PRORP: variants seen among roughly 807,000 people sequenced by gnomAD.
PRORP encodes the protein mitochondrial ribonuclease P catalytic subunit.
A neutral mutation model predicts 59.4 loss-of-function variants in PRORP; 51 were observed. That is an observed-to-expected ratio of 0.86 (90% CI 0.69 to 1.08). The LOEUF is 1.08. Among genes scored for constraint, PRORP ranks in the 50% least tolerant of loss-of-function variants. PRORP has a pLI of 0.00. For synonymous variants in PRORP, 231 were observed against 245.6 expected (o/e 0.94, Z 0.55); for missense variants, 646 against 690.3 (o/e 0.94, Z 0.72).
intron 4 of PRORP, among the ~76,000 whole-genome samples, chr14:35,179,917 G>C (rs992575646): frequency 2.9e-4 from 44 of 152,262 alleles, no homozygotes; most frequent in Middle Eastern, 3.4e-3. Flanking sequence ...GTTTTGGTGT[G>C]GAAGTCCTTT....
intron 4 of PRORP, among the ~76,000 whole-genome samples, chr14:35,136,825 G>A (rs1305210002): frequency 1.4e-5 from 2 of 145,510 alleles, no homozygotes; most frequent in African/African-American, 4.9e-5. Context: ...AGTGAGAACA[G>A]TAGTGGGCTC....
chr14:35,170,938 C>G (rs544833995), intron 4 of PRORP, among the ~76,000 whole-genome samples: 32 of 152,148 alleles, frequency 2.1e-4, no homozygotes, highest in African/African-American at 7.2e-4. Context: ...CAACCTCTGC[C>G]TCCCCGGTTC....
At position 35,274,812 on chromosome 14, in the gene PRORP, A is replaced by G. The variant is rs950099043; in HGVS notation, c.*1246A>G. On this transcript the variant is annotated 3_prime_UTR_variant, in exon 8 of 8. Coordinates refer to ENST00000534898, the MANE Select transcript of PRORP (RefSeq NM_014672.4). ...CATTCAGTATATGTGGGCTTTCTAA[A>G]ATATGCCAATTTTTTTCCACTTAAT... is the stretch of plus-strand genomic sequence containing the variant. The G allele has an allele frequency of 3.3e-5, 5 of 152,218 alleles. No homozygotes were observed. In the South Asian group the frequency reaches 6.2e-4, roughly 19 times the overall value. 9.4% of individuals were successfully genotyped at this position (152,218 alleles called of 1,614,324 possible).
intron 5 of PRORP, among the ~76,000 whole-genome samples, chr14:35,205,358 A>G (rs1368035747): frequency 6.6e-6 from 1 of 151,884 alleles, no homozygotes; most frequent in East Asian, 1.9e-4. Flanking sequence ...ATTTTTTTGT[A>G]TTTTATTTTT....
At chr14:35,225,878 C>T (rs1334702565) in intron 5 of PRORP, among the ~76,000 whole-genome samples, 3 of 151,972 alleles carry the variant, frequency 2.0e-5, no homozygotes, top group African/African-American at 7.2e-5. Flanking sequence ...GAAACCCCAT[C>T]TTTAAAAAAT....
chr14:35,145,811 A>ATTTATTTAT (rs1427813612), intron 4 of PRORP, among the ~76,000 whole-genome samples: 1 of 122,178 alleles, frequency 8.2e-6, no homozygotes, highest in African/African-American at 2.6e-5. Flanking sequence ...TTGATTATTT[A>ATTTATTTAT]TTTATTTATT....
Position 35,270,545 on chromosome 14 carries a change from A to G in PRORP, c.1569A>G (p.Gly523=), listed in dbSNP as rs529341370. 2.2e-5 allele frequency: 35 copies of G among 1,614,184 alleles called. No homozygotes were observed. In the African/African-American group the frequency reaches 3.5e-4, roughly 16 times the overall value. The part of the protein sequence containing the change: ...TQRLFFKWQQ[G]HQLAIVNRFP... ...GCCTGTTTTTTAAGTGGCAGCAGGG[A>G]CATCAGCTGGCAATTGTAAATAGGT... Residue 523 remains glycine, a synonymous_variant, in exon 7 of 8, where the codon GGA becomes GGG. Transcript: ENST00000534898.
Position 35,170,517 on chromosome 14 carries a change from G to A in PRORP, c.1168-10153G>A, listed in dbSNP as rs180695510. On this transcript the variant is annotated intron_variant, in intron 4 of 7. Coordinates refer to ENST00000534898, the MANE Select transcript of PRORP (RefSeq NM_014672.4). Reference sequence around the variant, plus strand: ...AGTTTACTTACAGTTTATATTGAACGATTTCACATGAAATATAAGAACATT... The same window carrying A: ...AGTTTACTTACAGTTTATATTGAACAATTTCACATGAAATATAAGAACATT... 8.6e-4 allele frequency among the ~76,000 whole-genome samples: 131 copies of A among 152,014 alleles called. 1 individual carries two copies. Among genetic ancestry groups the A allele is most frequent in the African/African-American group, 2.9e-3 (121 of 41,490 alleles).
chr14:35,250,311 C>T (rs1217341245), intron 5 of PRORP, among the ~76,000 whole-genome samples: 1 of 152,100 alleles, frequency 6.6e-6, no homozygotes, highest in Non-Finnish European at 1.5e-5. Context: ...CTACCTACTC[C>T]CAGTTTGGAC....
At chr14:35,174,282 T>C (rs184016225) in intron 4 of PRORP, among the ~76,000 whole-genome samples, 25 of 152,244 alleles carry the variant, frequency 1.6e-4, no homozygotes, top group Non-Finnish European at 1.8e-4. Flanking sequence ...TACTTTGAAA[T>C]AGTTGGGTAT....
At chr14:35,259,732 A>G (rs903886645) in intron 5 of PRORP, among the ~76,000 whole-genome samples, 2 of 152,050 alleles carry the variant, frequency 1.3e-5, no homozygotes, top group African/African-American at 4.8e-5. Flanking sequence ...CTTTACTAAA[A>G]ATACAAAAAA....
chr14:35,237,765 T>C (rs2050257534), intron 5 of PRORP, among the ~76,000 whole-genome samples: 1 of 152,134 alleles, frequency 6.6e-6, no homozygotes, highest in African/African-American at 2.4e-5. Context: ...TACAAGAGAT[T>C]CTCCTGCCTC....
intron 5 of PRORP, among the ~76,000 whole-genome samples, chr14:35,259,772 G>A (rs1453859677): frequency 6.6e-6 from 1 of 152,106 alleles, no homozygotes; most frequent in East Asian, 1.9e-4. Context: ...CCGTGCACCT[G>A]TAATCCAAGC....
At chr14:35,160,038 T>C (rs1405272362) in intron 4 of PRORP, among the ~76,000 whole-genome samples, 1 of 152,238 alleles carries the variant, frequency 6.6e-6, no homozygotes, top group East Asian at 1.9e-4. Context: ...GTGCCAAAGT[T>C]CACAGGAAAA....
chr14:35,224,778 A>G (rs958961593), intron 5 of PRORP, among the ~76,000 whole-genome samples: 2 of 152,194 alleles, frequency 1.3e-5, no homozygotes, highest in South Asian at 2.1e-4. Context: ...AGTTAAAACA[A>G]TGTTCCTTCC....
intron 5 of PRORP, among the ~76,000 whole-genome samples, chr14:35,258,011 C>A: frequency 6.6e-6 from 1 of 151,648 alleles, no homozygotes; most frequent in African/African-American, 2.4e-5. Context: ...TCAGGAACTA[C>A]TTTTCATCAG....
intron 4 of PRORP, among the ~76,000 whole-genome samples, chr14:35,146,094 G>A (rs560387936): frequency 6.6e-6 from 1 of 152,024 alleles, no homozygotes; most frequent in Admixed American, 6.6e-5. Context: ...GCCTCCCAAA[G>A]TGCTGGGATT....
At chr14:35,192,848 G>A (rs565302249) in intron 5 of PRORP, among the ~76,000 whole-genome samples, 10 of 152,126 alleles carry the variant, frequency 6.6e-5, no homozygotes, top group Admixed American at 3.3e-4. Flanking sequence ...ACAAAAATTA[G>A]CCAGGCATGG....
intron 5 of PRORP, among the ~76,000 whole-genome samples, chr14:35,255,596 C>T (rs1379832519): frequency 2.0e-5 from 3 of 152,058 alleles, no homozygotes; most frequent in Admixed American, 2.0e-4. Flanking sequence ...CCAGGCTACA[C>T]TTGAACTGCT....
Sources: gnomAD v4.1 joint callset for allele counts (sites outside exome capture counted in the v4.1 genomes callset) on GRCh38, gnomAD v4.1.1 for gene constraint, MANE v1.5 for transcripts, NCBI Gene and HGNC (gene_info 2026-07-23, HGNC 2026-07-21) for gene names.